Variants in GRID2 observed in about 807,000 individuals in gnomAD.
GRID2 encodes the protein glutamate receptor ionotropic, delta-2.
A neutral mutation model predicts 114.8 loss-of-function variants in GRID2; 33 were observed. That is an observed-to-expected ratio of 0.29 (90% CI 0.22 to 0.38). GRID2 has a LOEUF of 0.38. GRID2 is among the 10% of genes least tolerant of loss of function. The pLI is 1.00. For missense variants in GRID2, 1,184 were observed against 1,257.7 expected, an observed-to-expected ratio of 0.94 and a Z score of 0.89; for synonymous variants, 505 against 449.9, an observed-to-expected ratio of 1.12 and a Z score of -1.55.
intron 2 of GRID2, among the ~76,000 whole-genome samples, chr4:92,994,293 A>C (rs990066491): frequency 1.3e-5 from 2 of 152,174 alleles, no homozygotes; most frequent in African/African-American, 2.4e-5. Flanking sequence ...AATATTAGAC[A>C]ACAAATCCTT....
chr4:92,407,585 C>G (rs1731091222), intron 1 of GRID2, among the ~76,000 whole-genome samples: 1 of 152,120 alleles, frequency 6.6e-6, no homozygotes, highest in Non-Finnish European at 1.5e-5. Context: ...CCCAGCCTCA[C>G]CAACATCTGT....
intron 1 of GRID2, among the ~76,000 whole-genome samples, chr4:92,313,247 A>G (rs1422642402): frequency 6.6e-6 from 1 of 152,070 alleles, no homozygotes; most frequent in Non-Finnish European, 1.5e-5. Context: ...TAAACATTGT[A>G]TGTTCTCACT....
At chr4:93,203,716 A>G (rs1306389236) in intron 4 of GRID2, among the ~76,000 whole-genome samples, 2 of 152,196 alleles carry the variant, frequency 1.3e-5, no homozygotes, top group Non-Finnish European at 2.9e-5. Flanking sequence ...GTAATATTCT[A>G]CTACTAAAGA....
At chr4:92,604,807 A>G (rs566665099) in intron 2 of GRID2, among the ~76,000 whole-genome samples, 5 of 152,210 alleles carry the variant, frequency 3.3e-5, no homozygotes, top group African/African-American at 1.2e-4. Flanking sequence ...TGAGCACAGA[A>G]TAAATCACCA....
At chr4:93,149,272 T>C (rs1381275524) in intron 4 of GRID2, among the ~76,000 whole-genome samples, 3 of 152,216 alleles carry the variant, frequency 2.0e-5, no homozygotes, top group Admixed American at 6.5e-5. Context: ...TCAAATATTG[T>C]CTTATAAGTA....
intron 1 of GRID2, among the ~76,000 whole-genome samples, chr4:92,570,569 A>C (rs879200663): frequency 1.3e-5 from 2 of 151,934 alleles, no homozygotes; most frequent in East Asian, 3.9e-4. Flanking sequence ...TCATGATATT[A>C]ATTCTTCCTA....
chr4:92,843,298 G>A (rs1743054332), intron 2 of GRID2, among the ~76,000 whole-genome samples: 1 of 151,710 alleles, frequency 6.6e-6, no homozygotes, highest in African/African-American at 2.4e-5. Flanking sequence ...TATAAAATCA[G>A]GTAAAGCAGA....
intron 2 of GRID2, among the ~76,000 whole-genome samples, chr4:92,877,614 GTTC>G (rs1745727157): frequency 1.3e-5 from 2 of 152,078 alleles, no homozygotes; most frequent in Non-Finnish European, 2.9e-5. Context: ...TTGTTCTTTT[GTTC>G]TTCTACAGTC....
At chr4:92,804,723 C>A (rs950147048) in intron 2 of GRID2, among the ~76,000 whole-genome samples, 1 of 151,952 alleles carries the variant, frequency 6.6e-6, no homozygotes, top group Non-Finnish European at 1.5e-5. Flanking sequence ...AATTAATTCA[C>A]CAAGATTGCT....
intron 8 of GRID2, among the ~76,000 whole-genome samples, chr4:93,280,108 G>T (rs1378492999): frequency 6.6e-6 from 1 of 151,924 alleles, no homozygotes; most frequent in Non-Finnish European, 1.5e-5. Context: ...GAGAAGTTTG[G>T]TATCTGTGAT....
intron 10 of GRID2, among the ~76,000 whole-genome samples, chr4:93,446,425 C>T (rs1194943396): frequency 6.6e-6 from 1 of 152,024 alleles, no homozygotes; most frequent in African/African-American, 2.4e-5. Context: ...ATAGGAAGAA[C>T]TTTGTGGCTA....
chr4:92,888,665 A>G (rs1014069822), intron 2 of GRID2, among the ~76,000 whole-genome samples: 3 of 152,078 alleles, frequency 2.0e-5, no homozygotes, highest in African/African-American at 7.2e-5. Flanking sequence ...GCATATATTT[A>G]ACATATTAGA....
rs138834586 is a variant in GRID2, at chr4:92,806,352, T to A, written c.244+216066T>A. On this transcript the variant is annotated intron_variant, in intron 2 of 15. Transcript: ENST00000282020. ...CTGGAGACTTGTGGTTATATTGTTC[T>A]TGTTATCTATATTAAAAGATTGTAT... Among the ~76,000 whole-genome samples the A allele has an allele frequency of 2.2e-3, 332 of 152,078 alleles. 1 individual carries two copies. Among genetic ancestry groups the A allele is most frequent in the Non-Finnish European group, 3.6e-3 (242 of 67,930 alleles).
chr4:93,135,331 A>C (rs1009212999), intron 4 of GRID2, among the ~76,000 whole-genome samples: 3 of 152,184 alleles, frequency 2.0e-5, no homozygotes, highest in African/African-American at 7.2e-5. Flanking sequence ...TTTTGAAAAC[A>C]ATTATTAGGG....
At chr4:93,291,807 G>T (rs1025180479) in intron 8 of GRID2, among the ~76,000 whole-genome samples, 1 of 151,746 alleles carries the variant, frequency 6.6e-6, no homozygotes, top group African/African-American at 2.4e-5. Context: ...GACAAAAATT[G>T]TATATATTTA....
At chr4:92,685,282 A>T (rs923264400) in intron 2 of GRID2, among the ~76,000 whole-genome samples, 22 of 152,130 alleles carry the variant, frequency 1.4e-4, no homozygotes, top group African/African-American at 4.3e-4. Flanking sequence ...GTAAAGATGC[A>T]TAAGATAGTC....
At chr4:92,452,319 A>T (rs997862075) in intron 1 of GRID2, among the ~76,000 whole-genome samples, 9 of 140,598 alleles carry the variant, frequency 6.4e-5, no homozygotes, top group Non-Finnish European at 1.3e-4. Context: ...ATCTGTTTAG[A>T]TTTTTTTTTT....
At chr4:93,286,715 G>T (rs910201374) in intron 8 of GRID2, among the ~76,000 whole-genome samples, 1 of 149,902 alleles carries the variant, frequency 6.7e-6, no homozygotes, top group South Asian at 2.1e-4. Context: ...GTGTGTGTGT[G>T]TGTGTATGTT....
At chr4:93,419,738 C>A (rs1768078811) in intron 9 of GRID2, among the ~76,000 whole-genome samples, 1 of 151,994 alleles carries the variant, frequency 6.6e-6, no homozygotes, top group Non-Finnish European at 1.5e-5. Context: ...ATTTTGACAG[C>A]AGACTTGTGC....
Sources: gnomAD v4.1 joint callset for allele counts (sites outside exome capture counted in the v4.1 genomes callset) on GRCh38, gnomAD v4.1.1 for gene constraint, MANE v1.5 for transcripts, NCBI Gene and HGNC (gene_info 2026-07-23, HGNC 2026-07-21) for gene names.